The following B3GALT1 variants were observed in gnomAD, a reference collection of about 807,000 sequenced individuals.
The protein encoded by B3GALT1 is beta-1,3-galactosyltransferase 1.
B3GALT1 carries 10 observed loss-of-function variants against 23.2 expected under a neutral mutation model. The ratio of observed to expected loss-of-function variants is 0.43; its 90% CI spans 0.27 to 0.73. B3GALT1 has a LOEUF of 0.73. B3GALT1 is among the 30% of genes least tolerant of loss of function. The pLI is 0.21. For missense variants in B3GALT1, 299 were observed against 405.4 expected (o/e 0.74, Z 2.25); for synonymous variants, 156 against 141.5 (o/e 1.10, Z -0.73).
chr2:167,678,572 T>TG (rs2105490553), intron 3 of B3GALT1, among the ~76,000 whole-genome samples: 1 of 140,462 alleles, frequency 7.1e-6, no homozygotes, highest in Non-Finnish European at 1.6e-5. Context: ...GAAATGCTGT[T>TG]GAAAAAAATC....
chr2:167,579,077 A>G (rs1684433896), intron 2 of B3GALT1, among the ~76,000 whole-genome samples: 2 of 152,096 alleles, frequency 1.3e-5, no homozygotes, highest in Admixed American at 1.3e-4. Context: ...TGGCAGTGGC[A>G]GGGCTTAAAT....
intron 1 of B3GALT1, among the ~76,000 whole-genome samples, chr2:167,406,096 A>G (rs1255102593): frequency 6.6e-6 from 1 of 152,142 alleles, no homozygotes; most frequent in African/African-American, 2.4e-5. Flanking sequence ...ACCCAGTGCA[A>G]TTTCTTGGTA....
chr2:167,801,425 C>G (rs1688636717), intron 3 of B3GALT1, among the ~76,000 whole-genome samples: 1 of 152,130 alleles, frequency 6.6e-6, no homozygotes, highest in South Asian at 2.1e-4. Flanking sequence ...AAACTTGAGT[C>G]TTATATTTGT....
At chr2:167,660,786 A>G (rs574137174) in intron 3 of B3GALT1, among the ~76,000 whole-genome samples, 1 of 152,256 alleles carries the variant, frequency 6.6e-6, no homozygotes, top group East Asian at 1.9e-4. Context: ...CGATTTTCAC[A>G]TAACTATAGG....
chr2:167,664,945 A>G (rs1220320836), intron 3 of B3GALT1, among the ~76,000 whole-genome samples: 1 of 150,076 alleles, frequency 6.7e-6, no homozygotes, highest in Non-Finnish European at 1.5e-5. Context: ...CTAATTGAAT[A>G]CCCTTTATTT....
At chr2:167,573,876 T>G (rs1383920609) in intron 2 of B3GALT1, among the ~76,000 whole-genome samples, 2 of 151,670 alleles carry the variant, frequency 1.3e-5, no homozygotes, top group East Asian at 3.9e-4. Context: ...ATGAAGCTCA[T>G]GTGTATCCTA....
intron 2 of B3GALT1, among the ~76,000 whole-genome samples, chr2:167,639,806 A>G (rs1345165887): frequency 6.6e-6 from 1 of 152,116 alleles, no homozygotes; most frequent in African/African-American, 2.4e-5. Context: ...GAAATAATTA[A>G]GTTGACATCC....
chr2:167,841,273 T>A (rs996478105), intron 4 of B3GALT1, among the ~76,000 whole-genome samples: 1 of 150,986 alleles, frequency 6.6e-6, no homozygotes, highest in Non-Finnish European at 1.5e-5. Context: ...AAGAGCCATC[T>A]CCTGCCCCAG....
At chr2:167,442,187 T>C (rs979728252) in intron 1 of B3GALT1, among the ~76,000 whole-genome samples, 8 of 152,166 alleles carry the variant, frequency 5.3e-5, no homozygotes, top group Non-Finnish European at 1.5e-5. Flanking sequence ...ATTTCATCCA[T>C]GTCCCTACAA....
At chr2:167,490,368 A>G (rs1271990943) in intron 2 of B3GALT1, 91 bp downstream of exon 2, 1 of 152,220 alleles carries the variant, frequency 6.6e-6, no homozygotes, top group African/African-American at 2.4e-5. Flanking sequence ...AATGTTAAGT[A>G]TGCTCTGAAT....
At chr2:167,369,698 A>G (rs1324813508) in intron 1 of B3GALT1, among the ~76,000 whole-genome samples, 1 of 152,202 alleles carries the variant, frequency 6.6e-6, no homozygotes, top group Non-Finnish European at 1.5e-5. Flanking sequence ...GCAGGTCCGG[A>G]ACAAGATGGC....
chr2:167,467,018 ACTC>A (rs1017944869), intron 1 of B3GALT1, among the ~76,000 whole-genome samples: 3 of 151,030 alleles, frequency 2.0e-5, no homozygotes, highest in African/African-American at 7.3e-5. Context: ...GTGAGCCACA[ACTC>A]CTGGCCTATC....
At chr2:167,840,333 G>GA (rs1203180200) in intron 4 of B3GALT1, among the ~76,000 whole-genome samples, 1 of 151,578 alleles carries the variant, frequency 6.6e-6, no homozygotes, top group South Asian at 2.1e-4. Flanking sequence ...AAATTTACAA[G>GA]AAAAAAACAA....
chr2:167,809,074 A>G (rs1688822964), intron 3 of B3GALT1, among the ~76,000 whole-genome samples: 1 of 152,208 alleles, frequency 6.6e-6, no homozygotes, highest in Admixed American at 6.5e-5. Context: ...AGTTGATCGA[A>G]TCAGCTACTG....
At position 167,595,374 on chromosome 2, in the gene B3GALT1, T is replaced by C. The variant is rs576018260; in HGVS notation, c.-409-51535T>C. 4.6e-5 allele frequency among the ~76,000 whole-genome samples: 7 copies of C among 152,316 alleles called. No individual in the cohort carries two copies. In the East Asian group the frequency reaches 1.4e-3, roughly 29 times the overall value. ...GTCTCATTAATCCATTTTGGTGTCA[T>C]AATTCTTCTTGGAATTAAACACAAT... is the stretch of plus-strand genomic sequence containing the variant. On this transcript the variant is annotated intron_variant, in intron 2 of 4. Transcript: ENST00000392690.
intron 2 of B3GALT1, among the ~76,000 whole-genome samples, chr2:167,511,956 C>CA (rs1700011128): frequency 6.6e-6 from 1 of 152,096 alleles, no homozygotes; most frequent in Non-Finnish European, 1.5e-5. Context: ...ATACAAAAGA[C>CA]AAAGTCCCTT....
intron 2 of B3GALT1, among the ~76,000 whole-genome samples, 150 bp from the exon 3 acceptor site, chr2:167,646,759 A>G (rs1147155): frequency 0.18 from 27,390 of 152,230 alleles, 3,038 homozygotes; most frequent in South Asian, 0.27. Flanking sequence ...ATGATTGGTC[A>G]GCAATTATTT....
At chr2:167,564,217 C>T (rs1279177065) in intron 2 of B3GALT1, among the ~76,000 whole-genome samples, 1 of 151,178 alleles carries the variant, frequency 6.6e-6, no homozygotes, top group East Asian at 2.0e-4. Context: ...CTCCTCACAT[C>T]CCGGACGGGG....
intron 2 of B3GALT1, among the ~76,000 whole-genome samples, chr2:167,598,309 A>G (rs1278620318): frequency 1.3e-5 from 2 of 152,164 alleles, no homozygotes; most frequent in Admixed American, 6.5e-5. Flanking sequence ...TATCTAGTAT[A>G]CATGCATTTA....
Sources: gnomAD v4.1 joint callset for allele counts (sites outside exome capture counted in the v4.1 genomes callset) on GRCh38, gnomAD v4.1.1 for gene constraint, MANE v1.5 for transcripts, NCBI Gene and HGNC (gene_info 2026-07-23, HGNC 2026-07-21) for gene names.